The following KIAA1549L variants were observed in gnomAD, a reference collection of about 807,000 sequenced individuals.
The protein encoded by KIAA1549L is KIAA1549 like.
Under a neutral mutation model 160.7 loss-of-function variants are expected in KIAA1549L, and 88 were observed. The ratio of observed to expected loss-of-function variants is 0.55; its 90% CI spans 0.46 to 0.65. KIAA1549L has a LOEUF of 0.65. Among genes scored for constraint, KIAA1549L ranks in the 30% least tolerant of loss-of-function variants. The pLI, the probability that KIAA1549L is intolerant of heterozygous loss-of-function variation, is 0.00. For synonymous variants in KIAA1549L, 950 were observed against 976.7 expected, an observed-to-expected ratio of 0.97 and a Z score of 0.51; for missense variants, 2,258 against 2,437.5, an observed-to-expected ratio of 0.93 and a Z score of 1.55.
intron 3 of KIAA1549L, among the ~76,000 whole-genome samples, chr11:33,547,093 C>T (rs766210263): frequency 2.6e-5 from 4 of 152,238 alleles, no homozygotes; most frequent in Non-Finnish European, 4.4e-5. Context: ...CTTTCCCCTG[C>T]GCCTTTGCGC....
intron 17 of KIAA1549L, among the ~76,000 whole-genome samples, chr11:33,647,676 T>G (rs1851763980): frequency 1.3e-5 from 2 of 152,186 alleles, no homozygotes; most frequent in African/African-American, 4.8e-5. Flanking sequence ...TCTAGGAATC[T>G]GGGATGAGTT....
At chr11:33,528,581 C>T (rs530331198) in intron 1 of KIAA1549L, among the ~76,000 whole-genome samples, 5 of 152,268 alleles carry the variant, frequency 3.3e-5, no homozygotes, top group African/African-American at 1.2e-4. Flanking sequence ...AGCCTAAATG[C>T]CCATCAACCA....
chr11:33,618,030 T>C (rs1205027975), intron 15 of KIAA1549L, among the ~76,000 whole-genome samples: 1 of 152,228 alleles, frequency 6.6e-6, no homozygotes, highest in Non-Finnish European at 1.5e-5. Context: ...GGAAATCTAC[T>C]GTGGTAATAG....
intron 1 of KIAA1549L, among the ~76,000 whole-genome samples, chr11:33,410,147 GA>G (rs1379580184): frequency 6.6e-6 from 1 of 152,112 alleles, no homozygotes; most frequent in African/African-American, 2.4e-5. Context: ...TTTTGGAGAA[GA>G]AAAGCAAGTG....
In KIAA1549L at chr11:33,552,250, G is replaced by A; in HGVS notation, c.3855+9G>A. On this transcript the variant is annotated intron_variant, in intron 6 of 20. Coordinates refer to ENST00000658780, the MANE Select transcript of KIAA1549L (RefSeq NM_012194.3). ...GCAACTTGACAATTCAGGTAGGGAGGAAGGTGCTTCAGGCTGTGTAGTTGA... is the reference window on the plus strand; with the variant it reads ...GCAACTTGACAATTCAGGTAGGGAGAAAGGTGCTTCAGGCTGTGTAGTTGA... 2 of 1,595,574 alleles carry A rather than the reference G, an allele frequency of 1.3e-6. No individual in the cohort carries two copies. Among genetic ancestry groups the A allele is most frequent in the East Asian group, 2.3e-5 (1 of 44,282 alleles).
At chr11:33,552,365 C>A in intron 6 of KIAA1549L, 124 bp downstream of exon 6, 2 of 1,065,236 alleles carry the variant, frequency 1.9e-6, no homozygotes, top group Non-Finnish European at 2.7e-6. Context: ...GTACTTCAGA[C>A]ATTGGTGAGG....
chr11:33,531,357 C>T (rs1480956541), intron 1 of KIAA1549L, among the ~76,000 whole-genome samples: 1 of 152,248 alleles, frequency 6.6e-6, no homozygotes, highest in African/African-American at 2.4e-5. Context: ...TGCCTGTAGT[C>T]CCAGCTACTT....
chr11:33,434,072 GC>G (rs202097520), intron 1 of KIAA1549L, among the ~76,000 whole-genome samples: 32 of 147,902 alleles, frequency 2.2e-4, no homozygotes, highest in African/African-American at 3.5e-4. Context: ...AAGAAATAAA[GC>G]CCCCCCCGCC....
chr11:33,538,789 T>C (rs1853950630), intron 1 of KIAA1549L, among the ~76,000 whole-genome samples: 1 of 152,208 alleles, frequency 6.6e-6, no homozygotes, highest in South Asian at 2.1e-4. Context: ...ATTTTCTAAG[T>C]ATGAACTATT....
intron 1 of KIAA1549L, among the ~76,000 whole-genome samples, chr11:33,505,065 C>T (rs758843948): frequency 9.9e-5 from 15 of 152,196 alleles, no homozygotes; most frequent in African/African-American, 3.1e-4. Context: ...CACACCTGGC[C>T]GATTGTTGCA....
chr11:33,522,900 C>CTCA (rs1554985502), intron 1 of KIAA1549L, among the ~76,000 whole-genome samples: 2 of 147,212 alleles, frequency 1.4e-5, no homozygotes, highest in Non-Finnish European at 3.0e-5. Context: ...TTCTCTCTCT[C>CTCA]AAAAAAAAAA....
intron 1 of KIAA1549L, among the ~76,000 whole-genome samples, chr11:33,526,117 TACTTA>T (rs1470132548): frequency 2.0e-5 from 3 of 152,208 alleles, no homozygotes; most frequent in Non-Finnish European, 2.9e-5. Flanking sequence ...CCCAAGTAAG[TACTTA>T]ACTTGGCCAA....
intron 17 of KIAA1549L, among the ~76,000 whole-genome samples, chr11:33,654,820 T>TA (rs1371167741): frequency 6.6e-6 from 1 of 152,226 alleles, no homozygotes; most frequent in Non-Finnish European, 1.5e-5. Flanking sequence ...CACACTGCAT[T>TA]AAAAAGTAGG....
chr11:33,665,585 T>G (rs568923940), intron 20 of KIAA1549L: 1 of 96,210 alleles, frequency 1.0e-5, no homozygotes, highest in Admixed American at 1.1e-4. Flanking sequence ...AGGAAGTGTG[T>G]GCTGATTGGT....
chr11:33,497,495 A>G (rs958333831), intron 1 of KIAA1549L, among the ~76,000 whole-genome samples: 2 of 152,210 alleles, frequency 1.3e-5, no homozygotes, highest in African/African-American at 2.4e-5. Flanking sequence ...AGCCCCCAAA[A>G]TAATAAAAAA....
chr11:33,428,026 C>T lies in KIAA1549L; in HGVS notation c.238+51137C>T, dbSNP rs1851155692. On this transcript the variant is annotated intron_variant, in intron 1 of 20. Coordinates refer to ENST00000658780, the MANE Select transcript of KIAA1549L (RefSeq NM_012194.3). ...GCTTATCAGTTCGTCCACTGATAGA[C>T]ATTTGGTTGTTTCCACCTTTTGGTT... is the stretch of plus-strand genomic sequence containing the variant. Among the ~76,000 whole-genome samples the T allele has an allele frequency of 2.6e-5, 4 of 152,310 alleles. No individual in the cohort carries two copies. In the South Asian group the frequency reaches 8.3e-4, roughly 32 times the overall value.
At chr11:33,563,383 G>A (rs935323103) in intron 8 of KIAA1549L, among the ~76,000 whole-genome samples, 2 of 151,568 alleles carry the variant, frequency 1.3e-5, no homozygotes, top group South Asian at 4.2e-4. Context: ...TGGAAGTGGG[G>A]GGACACACGT....
rs544763142 is a variant in KIAA1549L, at chr11:33,656,105, A to G, written c.5854A>G (p.Arg1952Gly). ...TGGTCCTGTGGCTGTCGCTTCTCTC[A>G]GGCGGTAACACGTTCCTTTCTTTGT... ...RTGPVAVASL[R>G]RSTSDIGSKT... The change falls in exon 18 of 21, where the codon AGG (arginine) becomes GGG (glycine). Residue 1952 changes from arginine to glycine, a missense_variant. Transcript: ENST00000658780. 1 of 1,611,138 alleles carries G rather than the reference A, an allele frequency of 6.2e-7. No individual in the cohort carries two copies. Among genetic ancestry groups the G allele is most frequent in the East Asian group, 2.2e-5 (1 of 44,866 alleles).
At chr11:33,609,589 G>A (rs1302213071) in intron 14 of KIAA1549L, among the ~76,000 whole-genome samples, 160 bp from the exon 15 acceptor site, 6 of 152,146 alleles carry the variant, frequency 3.9e-5, no homozygotes, top group Non-Finnish European at 7.3e-5. Context: ...TACTGTTGTG[G>A]GCTTGTCTCA....
Sources: gnomAD v4.1 joint callset for allele counts (sites outside exome capture counted in the v4.1 genomes callset) on GRCh38, gnomAD v4.1.1 for gene constraint, MANE v1.5 for transcripts, NCBI Gene and HGNC (gene_info 2026-07-23, HGNC 2026-07-21) for gene names.